Variants in RRH observed in about 807,000 individuals in gnomAD.
The protein encoded by RRH is visual pigment-like receptor peropsin.
RRH carries 36 observed loss-of-function variants against 33.1 expected under a neutral mutation model. The observed-to-expected ratio is 1.09, with a 90% CI of 0.83 to 1.44. RRH has a LOEUF of 1.44. RRH is among the 40% of genes most tolerant of loss of function. RRH has a pLI of 0.00. For missense variants in RRH, 393 were observed against 420.2 expected (o/e 0.94, Z 0.57); for synonymous variants, 124 against 140.2 (o/e 0.88, Z 0.82).
intron 1 of RRH, among the ~76,000 whole-genome samples, chr4:109,831,817 A>G (rs1390595535): frequency 1.3e-5 from 2 of 152,188 alleles, no homozygotes; most frequent in Non-Finnish European, 2.9e-5. Flanking sequence ...GGGAAATACT[A>G]CAAGTTTTCG....
intron 1 of RRH, among the ~76,000 whole-genome samples, chr4:109,829,427 A>T (rs1733704289): frequency 6.6e-6 from 1 of 151,814 alleles, no homozygotes; most frequent in Non-Finnish European, 1.5e-5. Flanking sequence ...CAAAAAAAAA[A>T]AAAATCCAAA....
chr4:109,841,663 C>G (rs867236987), intron 5 of RRH, among the ~76,000 whole-genome samples: 10 of 152,204 alleles, frequency 6.6e-5, no homozygotes, highest in South Asian at 6.2e-4. Context: ...ATAGTTGGCT[C>G]TTTTTAACGT....
chr4:109,833,480 T>C, intron 2 of RRH, 151 bp downstream of exon 2: 1 of 652,148 alleles, frequency 1.5e-6, no homozygotes, highest in Non-Finnish European at 2.6e-6. Flanking sequence ...ACTAGGAATA[T>C]ATTCTTTAAT....
At chr4:109,835,102 A>T (rs1733851512) in intron 2 of RRH, among the ~76,000 whole-genome samples, 2 of 152,038 alleles carry the variant, frequency 1.3e-5, no homozygotes, top group Non-Finnish European at 2.9e-5. Flanking sequence ...GTTGTTCTGC[A>T]CTCTGTTCAT....
intron 1 of RRH, among the ~76,000 whole-genome samples, chr4:109,829,523 A>G (rs1733706165): frequency 1.3e-5 from 2 of 152,056 alleles, no homozygotes; most frequent in African/African-American, 4.8e-5. Context: ...CTGTAACAGT[A>G]ATAATAATAG....
chr4:109,838,771 G>T (rs574594767), intron 5 of RRH, among the ~76,000 whole-genome samples: 1 of 152,290 alleles, frequency 6.6e-6, no homozygotes, highest in East Asian at 1.9e-4. Context: ...GGTGGGTGAT[G>T]CTCTGTGGTG....
chr4:109,844,284 A>G lies in RRH; in HGVS notation c.*87A>G. 2.4e-6 allele frequency: 2 copies of G among 831,818 alleles called. No individual in the cohort carries two copies. Among genetic ancestry groups the G allele is most frequent in the Non-Finnish European group, 4.1e-6 (2 of 487,388 alleles). 51.5% of individuals were successfully genotyped at this position (831,818 alleles called of 1,614,324 possible). On this transcript the variant is annotated 3_prime_UTR_variant, in exon 7 of 7. Transcript: ENST00000317735. The stretch of plus-strand genomic sequence containing the variant: ...ATATGAGCCCATTTAGATCAAGTGC[A>G]GACATGGATCATTGTCCTATGAGAG...
chr4:109,840,337 G>GT (rs1733962818), intron 5 of RRH, among the ~76,000 whole-genome samples: 1 of 151,526 alleles, frequency 6.6e-6, no homozygotes, highest in African/African-American at 2.4e-5. Context: ...TTATAAATTT[G>GT]TTTAAGTTCC....
At chr4:109,839,018 A>G (rs971155226) in intron 5 of RRH, among the ~76,000 whole-genome samples, 1 of 145,872 alleles carries the variant, frequency 6.9e-6, no homozygotes, top group Non-Finnish European at 1.5e-5. Context: ...TTTTATTTAG[A>G]TATTTAATCT....
At chr4:109,841,230 C>A (rs1302863733) in intron 5 of RRH, among the ~76,000 whole-genome samples, 1 of 151,962 alleles carries the variant, frequency 6.6e-6, no homozygotes, top group African/African-American at 2.4e-5. Flanking sequence ...GTAACTATAT[C>A]TTTAGGTATT....
intron 6 of RRH, among the ~76,000 whole-genome samples, chr4:109,843,460 C>A (rs1409693962): frequency 1.3e-5 from 2 of 152,350 alleles, no homozygotes; most frequent in Admixed American, 6.5e-5. Context: ...CCGCCCGCCT[C>A]GGCCTCCCAA....
intron 4 of RRH, 135 bp from the exon 5 acceptor site, chr4:109,837,302 A>G (rs1733903903): frequency 2.4e-6 from 2 of 848,456 alleles, no homozygotes; most frequent in Admixed American, 4.3e-5. Flanking sequence ...AAATAAACTA[A>G]AAGTCAAATA....
At chr4:109,838,160 A>G (rs1386375256) in intron 5 of RRH, among the ~76,000 whole-genome samples, 2 of 152,146 alleles carry the variant, frequency 1.3e-5, no homozygotes, top group Non-Finnish European at 2.9e-5. Flanking sequence ...ATTTCCTACT[A>G]TGGATGATGA....
rs1733880505 is a variant in RRH, at chr4:109,836,125, T to C, written c.516T>C (p.Gly172=). The change falls in exon 4 of 7, where the codon GGT becomes GGC. Residue 172 remains glycine (G), a synonymous_variant. Transcript: ENST00000317735. ...GWASYAPDPT[G]ATCTINWRKN... is the part of the protein sequence containing the mutation. Reference sequence around the variant, plus strand: ...CTAGTTATGCCCCAGATCCTACTGGTGCTACGTGTACCATAAACTGGAGGA... The same window carrying C: ...CTAGTTATGCCCCAGATCCTACTGGCGCTACGTGTACCATAAACTGGAGGA... 4.3e-6 allele frequency: 7 copies of C among 1,614,196 alleles called. No homozygotes were observed. The highest frequency in any genetic ancestry group is 4.2e-6 in the Non-Finnish European group (5 of 1,180,022).
chr4:109,840,711 A>G (rs978342741), intron 5 of RRH, among the ~76,000 whole-genome samples: 3 of 147,308 alleles, frequency 2.0e-5, no homozygotes, highest in Non-Finnish European at 4.5e-5. Context: ...TGTTTACCAC[A>G]TATTTTTGTT....
chr4:109,835,228 G>T, intron 2 of RRH, 138 bp from the exon 3 acceptor site: 3 of 664,980 alleles, frequency 4.5e-6, no homozygotes, highest in South Asian at 1.7e-5. Flanking sequence ...GTTATAATTT[G>T]ACAATGAAGA....
chr4:109,838,631 A>C (rs1733932064), intron 5 of RRH, among the ~76,000 whole-genome samples: 1 of 152,156 alleles, frequency 6.6e-6, no homozygotes, highest in Non-Finnish European at 1.5e-5. Context: ...TAATTTTACT[A>C]TCATGTTTGA....
In RRH at chr4:109,837,602, A is replaced by G; in HGVS notation, c.717A>G (p.Thr239=). 6.2e-7 allele frequency: 1 copy of G among 1,613,356 alleles called. No individual in the cohort carries two copies. The highest frequency in any genetic ancestry group is 1.6e-4 in the Middle Eastern group (1 of 6,062). Residue 239 remains threonine (T), a synonymous_variant, in exon 5 of 7, where the codon ACA becomes ACG. Transcript: ENST00000317735. ...ACTGGTCAGATCAGATAGATGTAAC[A>G]AAGGTAAGAGATCAAAATCCTTGAA... ...NRDWSDQIDV[T]KMSVIMICMF... is the part of the protein sequence containing the mutation.
chr4:109,836,140 A>G lies in RRH; in HGVS notation c.531A>G (p.Ile177Met). ...APDPTGATCTINWRKNDRSFV... is the reference protein window; with the variant it reads ...APDPTGATCTMNWRKNDRSFV... ...ATCCTACTGGTGCTACGTGTACCAT[A>G]AACTGGAGGAAAAATGATAGGTAAG... The change falls in exon 4 of 7, where the codon ATA becomes ATG. Residue 177 changes from isoleucine (I) to methionine (M), a missense_variant. Transcript: ENST00000317735. 2.5e-6 allele frequency: 4 copies of G among 1,614,214 alleles called. No individual in the cohort carries two copies. Among genetic ancestry groups the G allele is most frequent in the Non-Finnish European group, 3.4e-6 (4 of 1,180,014 alleles).
Sources: gnomAD v4.1 joint callset for allele counts (sites outside exome capture counted in the v4.1 genomes callset) on GRCh38, gnomAD v4.1.1 for gene constraint, MANE v1.5 for transcripts, NCBI Gene and HGNC (gene_info 2026-07-23, HGNC 2026-07-21) for gene names.